KIF26B: variants seen among roughly 807,000 people sequenced by gnomAD.
KIF26B encodes kinesin family member 26B.
A neutral mutation model predicts 151.2 loss-of-function variants in KIF26B; 63 were observed. The ratio of observed to expected loss-of-function variants is 0.42; its 90% CI spans 0.34 to 0.51. The LOEUF (loss-of-function observed/expected upper bound fraction) is 0.51, where lower values mean the gene tolerates loss of function less well. Ranked by LOEUF, KIF26B falls within the 20% of genes least tolerant of loss-of-function variation. KIF26B has a pLI of 0.07. For synonymous variants in KIF26B, 1,357 were observed against 1,262.1 expected (o/e 1.08, Z -1.59); for missense variants, 2,813 against 2,913.6 (o/e 0.97, Z 0.79).
intron 10 of KIF26B, among the ~76,000 whole-genome samples, chr1:245,668,672 A>G (rs2044246106): frequency 6.6e-6 from 1 of 151,612 alleles, no homozygotes; most frequent in African/African-American, 2.4e-5. Flanking sequence ...GATCATGGAG[A>G]TCATGTTTCT....
chr1:245,433,396 G>C (rs1250133320), intron 4 of KIF26B, among the ~76,000 whole-genome samples: 2 of 151,806 alleles, frequency 1.3e-5, no homozygotes, highest in Non-Finnish European at 2.9e-5. Context: ...GAACCTGGGA[G>C]GTGGAGGTTG....
At chr1:245,234,653 A>AGT (rs1477589670) in intron 2 of KIF26B, among the ~76,000 whole-genome samples, 1 of 152,174 alleles carries the variant, frequency 6.6e-6, no homozygotes, top group Non-Finnish European at 1.5e-5. Flanking sequence ...GGGGTGCTCC[A>AGT]GTCTGCAGGT....
At chr1:245,455,966 A>G (rs937791614) in intron 4 of KIF26B, among the ~76,000 whole-genome samples, 1 of 152,178 alleles carries the variant, frequency 6.6e-6, no homozygotes, top group African/African-American at 2.4e-5. Flanking sequence ...TTTTATTCTA[A>G]TTACAAATCT....
At chr1:245,699,110 G>A (rs377315891) in intron 14 of KIF26B, 73 bp downstream of exon 14, 2 of 1,476,016 alleles carry the variant, frequency 1.4e-6, no homozygotes, top group Admixed American at 1.8e-5. Flanking sequence ...GTGTAGCCCA[G>A]GGTGACAGTG....
chr1:245,470,296 G>A (rs1659882334), intron 4 of KIF26B, among the ~76,000 whole-genome samples: 1 of 152,156 alleles, frequency 6.6e-6, no homozygotes. Flanking sequence ...CATCTAGATT[G>A]GAGTTACTGA....
intron 3 of KIF26B, among the ~76,000 whole-genome samples, chr1:245,413,905 A>G (rs1265968835): frequency 1.3e-5 from 2 of 152,168 alleles, no homozygotes; most frequent in African/African-American, 4.8e-5. Context: ...TCCTCCTCCT[A>G]CTAGCTGATT....
intron 10 of KIF26B, among the ~76,000 whole-genome samples, chr1:245,652,406 G>A (rs2044029240): frequency 1.3e-5 from 2 of 152,184 alleles, no homozygotes. Context: ...GAGAATGTGA[G>A]TTCAGAATGT....
chr1:245,581,091 G>A (rs915127120), intron 5 of KIF26B, among the ~76,000 whole-genome samples: 13 of 152,372 alleles, frequency 8.5e-5, no homozygotes, highest in African/African-American at 1.2e-4. Flanking sequence ...CAGGAAGAGC[G>A]TTGGCCACTC....
rs1292893855 is a variant in KIF26B, at chr1:245,227,113, A to C, written c.465+70430A>C. 1.3e-5 allele frequency among the ~76,000 whole-genome samples: 2 copies of C among 152,128 alleles called. No individual in the cohort carries two copies. Among genetic ancestry groups the C allele is most frequent in the Non-Finnish European group, 2.9e-5 (2 of 68,022 alleles). The stretch of plus-strand genomic sequence containing the variant: ...TGTCGTTTTTTGGCATTTTTGAGGA[A>C]CAGCTCCCTTTTCAGTACCAGGTGA... On this transcript the variant is annotated intron_variant, in intron 2 of 14. Coordinates refer to ENST00000407071, the MANE Select transcript of KIF26B (RefSeq NM_018012.4). This position sits in a 1 kb window ranked among gnomAD's most constrained non-coding sequence, Gnocchi z 4.1.
At chr1:245,444,006 G>T (rs912342859) in intron 4 of KIF26B, among the ~76,000 whole-genome samples, 2 of 129,198 alleles carry the variant, frequency 1.5e-5, no homozygotes, top group Admixed American at 1.6e-4. Context: ...CACCTAGAGC[G>T]GTCATCTCCC....
intron 9 of KIF26B, among the ~76,000 whole-genome samples, chr1:245,635,101 T>TTTG (rs1553298688): frequency 6.6e-6 from 1 of 151,084 alleles, no homozygotes; most frequent in African/African-American, 2.4e-5. Context: ...TTTTTGTGTT[T>TTTG]TTTTTTTTTT....
intron 2 of KIF26B, among the ~76,000 whole-genome samples, chr1:245,306,710 A>C (rs756987738): frequency 6.6e-6 from 1 of 152,144 alleles, no homozygotes; most frequent in Non-Finnish European, 1.5e-5. Flanking sequence ...ATAATTCGTC[A>C]AACTGGATAT....
intron 2 of KIF26B, among the ~76,000 whole-genome samples, chr1:245,192,043 C>A (rs1669118899): frequency 6.6e-6 from 1 of 152,014 alleles, no homozygotes; most frequent in Non-Finnish European, 1.5e-5. Context: ...TTCTGGGAAT[C>A]TATCTTAAGG....
chr1:245,415,407 G>C (rs1313537511), intron 3 of KIF26B, among the ~76,000 whole-genome samples: 1 of 151,934 alleles, frequency 6.6e-6, no homozygotes, highest in Non-Finnish European at 1.5e-5. Context: ...GGATTTGCAG[G>C]GCTGAGGAAG....
chr1:245,428,575 C>G (rs1266829110), intron 4 of KIF26B, among the ~76,000 whole-genome samples: 2 of 152,174 alleles, frequency 1.3e-5, no homozygotes, highest in Non-Finnish European at 2.9e-5. Flanking sequence ...CCCAACTGTT[C>G]TGTTGTTGGG....
chr1:245,287,516 T>C, intron 2 of KIF26B, among the ~76,000 whole-genome samples: 1 of 150,298 alleles, frequency 6.7e-6, no homozygotes, highest in Admixed American at 6.6e-5. Context: ...TTTTTTTTTT[T>C]TCCTGTGGCG....
At chr1:245,357,846 A>C (rs951793768) in intron 2 of KIF26B, among the ~76,000 whole-genome samples, 1 of 152,216 alleles carries the variant, frequency 6.6e-6, no homozygotes, top group African/African-American at 2.4e-5. Flanking sequence ...ACACTGGGTC[A>C]CAGGGGAATG....
intron 9 of KIF26B, among the ~76,000 whole-genome samples, chr1:245,627,436 A>G (rs1235348303): frequency 1.3e-5 from 2 of 152,174 alleles, no homozygotes; most frequent in African/African-American, 2.4e-5. Flanking sequence ...GGAGAAATCA[A>G]TGAGAACAAA....
At chr1:245,363,638 G>A (rs997935857) in intron 2 of KIF26B, among the ~76,000 whole-genome samples, 1 of 152,160 alleles carries the variant, frequency 6.6e-6, no homozygotes, top group Non-Finnish European at 1.5e-5. Context: ...TATAATGTGT[G>A]GATAAGCACT....
Sources: allele counts gnomAD v4.1 joint callset (sites outside exome capture counted in the v4.1 genomes callset), GRCh38; gene constraint gnomAD v4.1.1; non-coding constraint Gnocchi (gnomAD v3.1); transcripts MANE v1.5; gene names NCBI Gene and HGNC (gene_info 2026-07-23, HGNC 2026-07-21).